Variants in SCP2 observed in about 807,000 individuals in gnomAD.
SCP2 encodes the protein sterol carrier protein 2.
SCP2 carries 48 observed loss-of-function variants against 71.4 expected under a neutral mutation model. The observed-to-expected ratio is 0.67, with a 90% confidence interval of 0.53 to 0.86. The LOEUF (loss-of-function observed/expected upper bound fraction) is 0.86. Ranked by LOEUF, SCP2 falls within the 40% of genes least tolerant of loss-of-function variation. The pLI, the probability that SCP2 is intolerant of heterozygous loss-of-function variation, is 0.00. For missense variants in SCP2, 560 were observed against 655.6 expected, an observed-to-expected ratio of 0.85 and a Z score of 1.59; for synonymous variants, 220 against 218.1, an observed-to-expected ratio of 1.01 and a Z score of -0.08.
At chr1:52,956,902 CTTTT>C (rs370787153) in intron 5 of SCP2, among the ~76,000 whole-genome samples, 7 of 105,900 alleles carry the variant, frequency 6.6e-5, no homozygotes, top group Admixed American at 1.1e-4. Flanking sequence ...CTCCTTCTGC[CTTTT>C]TTTTTTTTTT....
At chr1:53,020,166 C>T (rs1293898384) in intron 12 of SCP2, among the ~76,000 whole-genome samples, 3 of 151,954 alleles carry the variant, frequency 2.0e-5, no homozygotes, top group African/African-American at 4.8e-5. Context: ...GGATTACAGA[C>T]ATGAGCCACC....
At chr1:52,948,175 A>G (rs1238359389) in intron 3 of SCP2, 95 bp downstream of exon 3, 4 of 810,082 alleles carry the variant, frequency 4.9e-6, no homozygotes, top group Non-Finnish European at 8.8e-6. Context: ...TTAACCCTCA[A>G]AAACTCAGAA....
intron 11 of SCP2, chr1:52,994,772 T>C: frequency 1.7e-6 from 1 of 599,410 alleles, no homozygotes; most frequent in South Asian, 1.6e-5. Context: ...GGCAACCGGA[T>C]GGGTGCCAAG....
intron 5 of SCP2, among the ~76,000 whole-genome samples, chr1:52,960,179 G>T (rs758568475): frequency 1.3e-4 from 20 of 152,020 alleles, no homozygotes; most frequent in Non-Finnish European, 2.6e-4. Context: ...ATGAGCCATG[G>T]CGCCTGGCCT....
At chr1:53,024,912 A>T (rs1662013535) in intron 12 of SCP2, among the ~76,000 whole-genome samples, 1 of 151,932 alleles carries the variant, frequency 6.6e-6, no homozygotes, top group African/African-American at 2.4e-5. Context: ...GAAAATAAAG[A>T]TGTCATCTTT....
At chr1:53,047,684 G>A (rs1439052081) in intron 14 of SCP2, among the ~76,000 whole-genome samples, 174 bp from the exon 15 acceptor site, 1 of 152,100 alleles carries the variant, frequency 6.6e-6, no homozygotes, top group Non-Finnish European at 1.5e-5. Context: ...AGGATTGCTT[G>A]TGGTTTATGT....
intron 9 of SCP2, 120 bp from the exon 10 acceptor site, chr1:52,980,276 A>C: frequency 2.0e-6 from 2 of 994,842 alleles, no homozygotes; most frequent in South Asian, 3.3e-5. Context: ...ACCTGGGCAA[A>C]AATTTAATAT....
At chr1:53,043,552 A>G (rs1442545934) in intron 14 of SCP2, among the ~76,000 whole-genome samples, 2 of 152,258 alleles carry the variant, frequency 1.3e-5, no homozygotes, top group African/African-American at 2.4e-5. Flanking sequence ...ATCTGCATTC[A>G]GATGTAGCTC....
intron 12 of SCP2, among the ~76,000 whole-genome samples, chr1:53,024,760 C>T (rs1203240217): frequency 2.0e-5 from 3 of 151,750 alleles, no homozygotes; most frequent in East Asian, 3.9e-4. Context: ...TTAGTAGAGA[C>T]GGGGTTTCAC....
chr1:53,048,211 C>T (rs889987216), intron 15 of SCP2: 2 of 405,644 alleles, frequency 4.9e-6, no homozygotes, highest in Non-Finnish European at 4.7e-6. Flanking sequence ...CCACACCTGG[C>T]TTGTGGTCAG....
At chr1:52,979,347 A>AT (rs59807820) in intron 9 of SCP2, among the ~76,000 whole-genome samples, 4,462 of 138,014 alleles carry the variant, frequency 0.032, 219 homozygotes, top group African/African-American at 0.11. Flanking sequence ...AAGTTTTTGT[A>AT]TTTTTTTTTT....
At chr1:53,028,139 TG>T in intron 13 of SCP2, 68 bp downstream of exon 13, 1 of 863,798 alleles carries the variant, frequency 1.2e-6, no homozygotes, top group South Asian at 1.4e-5. Context: ...AGGTTTCAGG[TG>T]TTGCCACGAG....
intron 11 of SCP2, among the ~76,000 whole-genome samples, chr1:53,006,577 G>A (rs1660650727): frequency 6.6e-6 from 1 of 152,142 alleles, no homozygotes; most frequent in Admixed American, 6.5e-5. Context: ...ACAGGCAAAT[G>A]CTGAGAGATT....
chr1:52,944,317 T>A (rs1285751394), intron 2 of SCP2, among the ~76,000 whole-genome samples: 1 of 151,480 alleles, frequency 6.6e-6, no homozygotes. Flanking sequence ...TTGCTTCAAC[T>A]TTTTTTTTGT....
At chr1:52,971,592 T>C (rs1657499494) in intron 6 of SCP2, among the ~76,000 whole-genome samples, 1 of 152,182 alleles carries the variant, frequency 6.6e-6, no homozygotes, top group Non-Finnish European at 1.5e-5. Flanking sequence ...AAATGGGAAA[T>C]TGTCCATTTT....
chr1:53,043,399 C>T (rs1039501443), intron 14 of SCP2, among the ~76,000 whole-genome samples: 4 of 152,210 alleles, frequency 2.6e-5, no homozygotes, highest in Non-Finnish European at 4.4e-5. Flanking sequence ...GCTTTGAAAA[C>T]TTGGAAACCA....
At chr1:52,962,069 T>C (rs1656515715) in intron 6 of SCP2, among the ~76,000 whole-genome samples, 1 of 152,094 alleles carries the variant, frequency 6.6e-6, no homozygotes. Flanking sequence ...GTTCGGCTAA[T>C]TTTTTGTATT....
At chr1:53,041,519 C>G (rs1663432880) in intron 14 of SCP2, among the ~76,000 whole-genome samples, 1 of 152,020 alleles carries the variant, frequency 6.6e-6, no homozygotes, top group Non-Finnish European at 1.5e-5. Flanking sequence ...GAAGTCAGAG[C>G]TGTGTTTTAG....
At chr1:52,991,777 T>C (rs934349675) in intron 11 of SCP2, among the ~76,000 whole-genome samples, 6 of 152,206 alleles carry the variant, frequency 3.9e-5, no homozygotes, top group Admixed American at 2.6e-4. Context: ...ATTTGGTTTT[T>C]TTTTTTGTGA....
Sources: gnomAD v4.1 joint callset for allele counts (sites outside exome capture counted in the v4.1 genomes callset) on GRCh38, gnomAD v4.1.1 for gene constraint, MANE v1.5 for transcripts, NCBI Gene and HGNC (gene_info 2026-07-23, HGNC 2026-07-21) for gene names.